Variants in PRKN observed in about 807,000 individuals in gnomAD.
The protein encoded by PRKN is parkin RBR E3 ubiquitin protein ligase.
A neutral mutation model predicts 59.5 loss-of-function variants in PRKN; 56 were observed. The observed-to-expected ratio is 0.94, with a 90% CI of 0.76 to 1.18. PRKN has a LOEUF of 1.18. Ranked by LOEUF, PRKN falls within the 50% of genes most tolerant of loss-of-function variation. The pLI is 0.00. For missense variants in PRKN, 657 were observed against 596.4 expected (o/e 1.10, Z -1.06); for synonymous variants, 250 against 222.1 (o/e 1.13, Z -1.12).
intron 2 of PRKN, among the ~76,000 whole-genome samples, chr6:162,394,651 G>A (rs551634458): frequency 2.0e-5 from 3 of 152,222 alleles, no homozygotes; most frequent in Non-Finnish European, 4.4e-5. Flanking sequence ...TAGCATATGT[G>A]ATACATCCAA....
chr6:161,612,079 C>A (rs1417680704), intron 7 of PRKN, among the ~76,000 whole-genome samples: 2 of 152,164 alleles, frequency 1.3e-5, no homozygotes. Flanking sequence ...GAGGAAGCTG[C>A]ATAACAAAAG....
rs1183757892 is a variant in PRKN at position 161,385,385 on chromosome 6, C to G, written c.1167+1409G>C. ...TAGGTCATCTCTAACTTTCTTTTTC[C>G]TATTTTTCTGAATCCAATATTAAGG... On this transcript the variant is annotated intron_variant, in intron 10 of 11. Transcript: ENST00000366898. The surrounding 1 kb of genome is among the most constrained non-coding windows in gnomAD (Gnocchi z 4.9). Among the ~76,000 whole-genome samples, 1 of 152,146 alleles carries G rather than the reference C, an allele frequency of 6.6e-6. No homozygotes were observed. Among genetic ancestry groups the G allele is most frequent in the Non-Finnish European group, 1.5e-5 (1 of 68,036 alleles).
intron 2 of PRKN, among the ~76,000 whole-genome samples, chr6:162,427,254 G>A (rs943658398): frequency 3.3e-5 from 5 of 152,160 alleles, no homozygotes; most frequent in Non-Finnish European, 7.3e-5. Context: ...ACCTAGCAGA[G>A]CAATTATTTA....
intron 9 of PRKN, among the ~76,000 whole-genome samples, chr6:161,387,312 G>A (rs1451990533): frequency 1.3e-5 from 2 of 152,272 alleles, no homozygotes; most frequent in South Asian, 2.1e-4. Flanking sequence ...GAGATCTGAC[G>A]GTTTTACAAT....
intron 1 of PRKN, among the ~76,000 whole-genome samples, chr6:162,552,777 TAG>T (rs1300735542): frequency 2.0e-5 from 3 of 151,830 alleles, no homozygotes; most frequent in Non-Finnish European, 4.4e-5. Flanking sequence ...AAGGAGAAGA[TAG>T]AGAGGACGTG....
chr6:162,138,037 G>A (rs991706089), intron 4 of PRKN, among the ~76,000 whole-genome samples: 4 of 151,996 alleles, frequency 2.6e-5, no homozygotes, highest in African/African-American at 4.8e-5. Flanking sequence ...TAGAAGTCTC[G>A]GTGAACTGGG....
At chr6:162,622,830 C>A (rs993822035) in intron 1 of PRKN, among the ~76,000 whole-genome samples, 2 of 152,140 alleles carry the variant, frequency 1.3e-5, no homozygotes, top group Admixed American at 6.5e-5. Context: ...ACACCCATGC[C>A]TGCCAAGACA....
chr6:162,568,465 C>T (rs1413813797), intron 1 of PRKN: 3 of 635,804 alleles, frequency 4.7e-6, no homozygotes, highest in Non-Finnish European at 5.8e-6. Context: ...GGTGGAGGCT[C>T]TGGTGGGGCC....
At chr6:161,779,607 G>C (rs1472630763) in intron 7 of PRKN, among the ~76,000 whole-genome samples, 1 of 151,392 alleles carries the variant, frequency 6.6e-6, no homozygotes, top group African/African-American at 2.4e-5. Context: ...ACCACACCTA[G>C]CTAATTTTTG....
chr6:161,903,613 G>A (rs1433851747), intron 6 of PRKN, among the ~76,000 whole-genome samples: 1 of 151,952 alleles, frequency 6.6e-6, no homozygotes, highest in Non-Finnish European at 1.5e-5. Context: ...GAAAGACAGA[G>A]GACATGAGCT....
intron 3 of PRKN, among the ~76,000 whole-genome samples, chr6:162,248,939 C>T (rs1417661333): frequency 6.6e-6 from 1 of 151,602 alleles, no homozygotes; most frequent in East Asian, 1.9e-4. Flanking sequence ...AGTGCAGTGG[C>T]ATGATCTCGG....
At chr6:161,617,042 C>A (rs1035176267) in intron 7 of PRKN, among the ~76,000 whole-genome samples, 23 of 152,178 alleles carry the variant, frequency 1.5e-4, no homozygotes, top group Non-Finnish European at 1.6e-4. Context: ...TAAAAGCATT[C>A]CTATTTCTCC....
chr6:162,432,493 C>T (rs6939674), intron 2 of PRKN, among the ~76,000 whole-genome samples: 61,569 of 151,806 alleles, frequency 0.41, 14,165 homozygotes, highest in African/African-American at 0.64. Flanking sequence ...ACCACTGCAC[C>T]CCAACCTGGC....
chr6:162,376,537 T>C (rs1786095891), intron 2 of PRKN, among the ~76,000 whole-genome samples: 1 of 150,670 alleles, frequency 6.6e-6, no homozygotes, highest in Non-Finnish European at 1.5e-5. Context: ...GCCGAAGTCA[T>C]CCCCTGAGAG....
chr6:162,051,569 C>T lies in PRKN; in HGVS notation c.618+2522G>A, dbSNP rs532518091. On this transcript the variant is annotated intron_variant, in intron 5 of 11. Coordinates refer to ENST00000366898, the MANE Select transcript of PRKN (RefSeq NM_004562.3). ...AGCGTGGCCTTTGTGAGAAAGGCTTCGGTCATGATGCAACCCCATGTCCAG... is the reference window on the plus strand; with the variant it reads ...AGCGTGGCCTTTGTGAGAAAGGCTTTGGTCATGATGCAACCCCATGTCCAG... 9.9e-5 allele frequency among the ~76,000 whole-genome samples: 15 copies of T among 152,206 alleles called. No homozygotes were observed. The East Asian group carries it at 1.7e-3, about 18-fold the overall frequency.
chr6:161,360,049 G>A lies in PRKN; in HGVS notation c.1285+39C>T, dbSNP rs1314104746. 1 of 1,414,038 alleles carries A rather than the reference G, an allele frequency of 7.1e-7. No individual in the cohort carries two copies. The highest frequency in any genetic ancestry group is 1.0e-6 in the Non-Finnish European group (1 of 997,394). The allele number at this position is 1,414,038 out of a possible 1,614,324, so 87.6% of individuals were successfully genotyped here. On this transcript the variant is annotated intron_variant, in intron 11 of 11. Transcript: ENST00000366898. This position sits in a 1 kb window ranked among gnomAD's most constrained non-coding sequence, Gnocchi z 5.1. ...GATGGGTATGATTCTCCCCCAAAGA[G>A]CACACGACATCCTCATTCTCTGCTC...
intron 2 of PRKN, among the ~76,000 whole-genome samples, chr6:162,282,026 C>T (rs926956842): frequency 6.6e-6 from 1 of 152,172 alleles, no homozygotes; most frequent in African/African-American, 2.4e-5. Flanking sequence ...TCTACTGCCA[C>T]TGCTGATCAG....
chr6:161,511,029 G>A (rs1583171287), intron 9 of PRKN, among the ~76,000 whole-genome samples: 1 of 152,184 alleles, frequency 6.6e-6, no homozygotes, highest in Non-Finnish European at 1.5e-5. Flanking sequence ...GTTTGCTATA[G>A]AAAATGAAGT....
intron 5 of PRKN, among the ~76,000 whole-genome samples, chr6:162,000,791 C>T (rs186692079): frequency 1.3e-5 from 2 of 151,862 alleles, no homozygotes; most frequent in Admixed American, 1.3e-4. Context: ...TGCACTTTAA[C>T]AGTGAGGACT....
Sources: gnomAD v4.1 joint callset for allele counts (sites outside exome capture counted in the v4.1 genomes callset) on GRCh38, gnomAD v4.1.1 for gene constraint, Gnocchi (gnomAD v3.1) non-coding constraint, MANE v1.5 for transcripts, NCBI Gene and HGNC (gene_info 2026-07-23, HGNC 2026-07-21) for gene names.